CCDC150: variants seen among roughly 807,000 people sequenced by gnomAD.
CCDC150 encodes the protein coiled-coil domain-containing protein 150.
In CCDC150, 151 loss-of-function variants were observed where a neutral mutation model predicts 156.5. The observed-to-expected ratio is 0.97, with a 90% CI of 0.85 to 1.10. CCDC150 has a LOEUF of 1.10. Among genes scored for constraint, CCDC150 ranks in the 50% least tolerant of loss-of-function variants. The probability of loss-of-function intolerance (pLI) is 0.00; values close to 1 mark genes in which losing one functional copy is unlikely to be tolerated. For missense variants in CCDC150, 1,312 were observed against 1,268.1 expected (o/e 1.03, Z -0.53); for synonymous variants, 452 against 429.4 (o/e 1.05, Z -0.65).
At chr2:196,645,628 C>T (rs957322929) in intron 1 of CCDC150, among the ~76,000 whole-genome samples, 1 of 152,214 alleles carries the variant, frequency 6.6e-6, no homozygotes, top group African/African-American at 2.4e-5. Context: ...GCTTCTGTCA[C>T]TAATATCTTG....
intron 14 of CCDC150, among the ~76,000 whole-genome samples, chr2:196,696,008 C>G (rs1204992220): frequency 2.0e-5 from 3 of 152,182 alleles, no homozygotes; most frequent in African/African-American, 7.2e-5. Flanking sequence ...TAAAGTCTTT[C>G]AAACTGTTAT....
In CCDC150 at chr2:196,669,889, G is replaced by A; in HGVS notation, c.936+13G>A. ...TGAAGAAAATAAGGTGAGTTTTGAA[G>A]TTGTGGAGTACAGAGGTGGTCTTTC... On this transcript the variant is annotated intron_variant, in intron 8 of 27. Coordinates refer to ENST00000389175, the MANE Select transcript of CCDC150 (RefSeq NM_001080539.2). 3.1e-6 allele frequency: 5 copies of A among 1,607,244 alleles called. No homozygotes were observed. The highest frequency in any genetic ancestry group is 4.3e-6 in the Non-Finnish European group (5 of 1,174,800).
chr2:196,690,752 G>A (rs1559246106), intron 13 of CCDC150, among the ~76,000 whole-genome samples: 2 of 152,158 alleles, frequency 1.3e-5, no homozygotes, highest in Non-Finnish European at 2.9e-5. Context: ...TTGCATAGGA[G>A]TAGTGAGAGA....
At chr2:196,655,511 G>C (rs188258336) in intron 2 of CCDC150, among the ~76,000 whole-genome samples, 1 of 152,262 alleles carries the variant, frequency 6.6e-6, no homozygotes, top group East Asian at 1.9e-4. Context: ...GTATTGTTTG[G>C]CTGCCCCATT....
chr2:196,709,317 C>T (rs1307641632), intron 15 of CCDC150, among the ~76,000 whole-genome samples: 1 of 152,192 alleles, frequency 6.6e-6, no homozygotes, highest in African/African-American at 2.4e-5. Flanking sequence ...CTTGTGTATG[C>T]ATCACGTAGT....
chr2:196,715,668 A>G (rs956823249), intron 17 of CCDC150, among the ~76,000 whole-genome samples: 2 of 152,198 alleles, frequency 1.3e-5, no homozygotes, highest in East Asian at 1.9e-4. Context: ...ATATGCAAAA[A>G]CAAAATATCT....
intron 5 of CCDC150, among the ~76,000 whole-genome samples, chr2:196,661,741 T>G (rs1693570877): frequency 6.6e-6 from 1 of 152,222 alleles, no homozygotes; most frequent in African/African-American, 2.4e-5. Context: ...CTTATTGCCC[T>G]TAATAGTACT....
intron 8 of CCDC150, among the ~76,000 whole-genome samples, chr2:196,671,151 T>C (rs1694177533): frequency 6.6e-6 from 1 of 152,210 alleles, no homozygotes; most frequent in Non-Finnish European, 1.5e-5. Context: ...ATATCTACCA[T>C]TATAGTAGAT....
chr2:196,693,475 TAGAA>T, intron 13 of CCDC150, among the ~76,000 whole-genome samples: 1 of 152,256 alleles, frequency 6.6e-6, no homozygotes, highest in East Asian at 1.9e-4. Flanking sequence ...TGTTAATATA[TAGAA>T]ATACAATAGA....
At chr2:196,646,141 T>A (rs1011232569) in intron 1 of CCDC150, among the ~76,000 whole-genome samples, 200 bp from the exon 2 acceptor site, 4 of 152,110 alleles carry the variant, frequency 2.6e-5, no homozygotes, top group African/African-American at 7.2e-5. Flanking sequence ...GCTCATCTCA[T>A]AGGGGAGGGA....
chr2:196,705,184 T>C (rs1181934262), intron 15 of CCDC150, among the ~76,000 whole-genome samples: 1 of 152,204 alleles, frequency 6.6e-6, no homozygotes, highest in Non-Finnish European at 1.5e-5. Flanking sequence ...TGTAAAAGCA[T>C]TTCTGTTTCT....
intron 17 of CCDC150, chr2:196,713,729 T>C (rs1309818443): frequency 1.4e-6 from 2 of 1,383,082 alleles, no homozygotes; most frequent in Non-Finnish European, 1.9e-6. Context: ...TTTAAATTTA[T>C]ACAAGAATGA....
At chr2:196,668,443 G>A (rs566518410) in intron 7 of CCDC150, among the ~76,000 whole-genome samples, 1 of 152,112 alleles carries the variant, frequency 6.6e-6, no homozygotes, top group South Asian at 2.1e-4. Context: ...TTTCTTGTTG[G>A]ATTAATGCTT....
intron 5 of CCDC150, among the ~76,000 whole-genome samples, chr2:196,663,618 A>G (rs970908264): frequency 4.6e-5 from 7 of 152,190 alleles, no homozygotes; most frequent in Admixed American, 2.0e-4. Flanking sequence ...CAGTATTTAC[A>G]GTAGTGAAAA....
intron 4 of CCDC150, chr2:196,657,403 T>G: frequency 2.1e-5 from 7 of 335,050 alleles, no homozygotes; most frequent in Admixed American, 8.8e-5. Context: ...AGATAGAGCC[T>G]GTGCTCTTCA....
chr2:196,676,490 T>G, intron 11 of CCDC150, 64 bp from the exon 12 acceptor site: 1 of 1,417,114 alleles, frequency 7.1e-7, no homozygotes, highest in Non-Finnish European at 9.6e-7. Context: ...GAACATTTAA[T>G]TGCTCTTTCT....
intron 15 of CCDC150, among the ~76,000 whole-genome samples, chr2:196,701,463 A>G (rs1305653703): frequency 2.0e-5 from 3 of 152,222 alleles, no homozygotes; most frequent in Non-Finnish European, 4.4e-5. Flanking sequence ...TAGAAAGCCT[A>G]TACCTCTTTT....
chr2:196,692,386 A>G (rs13033278), intron 13 of CCDC150, among the ~76,000 whole-genome samples: 134,190 of 151,480 alleles, frequency 0.89, 59,523 homozygotes, highest in East Asian at 0.98. Context: ...CACCCGCCTC[A>G]GCCTCCCAAA....
At chr2:196,713,043 T>C (rs1292396931) in intron 17 of CCDC150, 1 of 469,800 alleles carries the variant, frequency 2.1e-6, no homozygotes, top group East Asian at 3.5e-5. Flanking sequence ...GGAACTAAAA[T>C]ATGTTTTCAA....
Sources: allele counts gnomAD v4.1 joint callset (sites outside exome capture counted in the v4.1 genomes callset), GRCh38; gene constraint gnomAD v4.1.1; transcripts MANE v1.5; gene names NCBI Gene and HGNC (gene_info 2026-07-23, HGNC 2026-07-21).